AKAP6: variants seen among roughly 807,000 people sequenced by gnomAD.
AKAP6 encodes A-kinase anchoring protein 6, also known as A-kinase anchor protein 6.
Under a neutral mutation model 188.5 loss-of-function variants are expected in AKAP6, and 58 were observed. That is an observed-to-expected ratio of 0.31 (90% CI 0.25 to 0.38). AKAP6 has a LOEUF of 0.38. AKAP6 is among the 10% of genes least tolerant of loss of function. The pLI is 1.00. For missense variants in AKAP6, 2,710 were observed against 2,740.0 expected (o/e 0.99, Z 0.24); for synonymous variants, 989 against 998.6 (o/e 0.99, Z 0.18).
At chr14:32,419,341 A>G (rs1045151759) in intron 1 of AKAP6, among the ~76,000 whole-genome samples, 2 of 152,202 alleles carry the variant, frequency 1.3e-5, no homozygotes, top group Non-Finnish European at 2.9e-5. Flanking sequence ...GGGAGTCTAT[A>G]GTGAGTAGGA....
chr14:32,456,224 A>T (rs1337065510), intron 2 of AKAP6, among the ~76,000 whole-genome samples: 2 of 152,292 alleles, frequency 1.3e-5, no homozygotes, highest in Middle Eastern at 3.4e-3. Flanking sequence ...CTTATATGAA[A>T]AGCAACATTC....
chr14:32,467,496 A>T (rs1230711214), intron 2 of AKAP6, among the ~76,000 whole-genome samples: 1 of 152,216 alleles, frequency 6.6e-6, no homozygotes, highest in Non-Finnish European at 1.5e-5. Flanking sequence ...AAAGATTTTC[A>T]CAAACCTGTA....
At chr14:32,648,539 A>G (rs770244152) in intron 7 of AKAP6, among the ~76,000 whole-genome samples, 35 of 152,250 alleles carry the variant, frequency 2.3e-4, no homozygotes, top group Non-Finnish European at 4.3e-4. Context: ...ATGGTTTCCA[A>G]TTGCCTAGAT....
intron 4 of AKAP6, among the ~76,000 whole-genome samples, chr14:32,575,519 T>C (rs1884675040): frequency 6.6e-6 from 1 of 152,104 alleles, no homozygotes; most frequent in Admixed American, 6.6e-5. Flanking sequence ...TAAACTACCA[T>C]ATAGTTCCCA....
chr14:32,493,964 G>C (rs112611022), intron 2 of AKAP6, among the ~76,000 whole-genome samples: 1 of 151,184 alleles, frequency 6.6e-6, no homozygotes, highest in South Asian at 2.1e-4. Flanking sequence ...GAGTCACGAG[G>C]CTTCTAGAGG....
At chr14:32,548,920 T>G in intron 4 of AKAP6, among the ~76,000 whole-genome samples, 1 of 152,226 alleles carries the variant, frequency 6.6e-6, no homozygotes, top group East Asian at 1.9e-4. Flanking sequence ...TTTTGTTTTT[T>G]TTACATCCAT....
chr14:32,492,132 A>G (rs1397500459), intron 2 of AKAP6, among the ~76,000 whole-genome samples: 1 of 151,586 alleles, frequency 6.6e-6, no homozygotes, highest in African/African-American at 2.4e-5. Flanking sequence ...CTATCCTTCT[A>G]CATCTCATGT....
intron 3 of AKAP6, among the ~76,000 whole-genome samples, chr14:32,536,791 GA>G (rs749978043): frequency 4.6e-5 from 7 of 151,898 alleles, no homozygotes; most frequent in Admixed American, 6.6e-5. Context: ...TATATTTATA[GA>G]AAAAAAAGTG....
intron 1 of AKAP6, chr14:32,433,120 C>T (rs892482657): frequency 4.9e-6 from 1 of 202,386 alleles, no homozygotes; most frequent in African/African-American, 2.3e-5. Context: ...ATGGCCACAC[C>T]TAGCTGCAAG....
rs560248134 is a variant in AKAP6, at chr14:32,813,392, C to CA, written c.3589-8010_3589-8009insA. Among the ~76,000 whole-genome samples, 22 of 111,404 alleles carry CA rather than the reference C, an allele frequency of 2.0e-4. 1 individual carries two copies. In the South Asian group the frequency reaches 7.2e-3, roughly 36 times the overall value. 73.1% of individuals were successfully genotyped at this position (111,404 alleles called of 152,430 possible). A position where few individuals can be genotyped will look rare whatever the true frequency, so the allele number is the denominator to read the frequency against. ...TACAGTTTTCATCTCTAACCCTACC[C>CA]CCCCCCCCAACCCCTTTCCCAGAGG... is the stretch of plus-strand genomic sequence containing the variant. On this transcript the variant is annotated intron_variant, in intron 12 of 13. Transcript: ENST00000280979.
intron 7 of AKAP6, among the ~76,000 whole-genome samples, chr14:32,676,561 A>T (rs1889435373): frequency 6.6e-6 from 1 of 152,174 alleles, no homozygotes; most frequent in African/African-American, 2.4e-5. Context: ...ATATGACATT[A>T]TCCTTTGTTT....
At chr14:32,482,145 T>C (rs1879384293) in intron 2 of AKAP6, among the ~76,000 whole-genome samples, 1 of 152,174 alleles carries the variant, frequency 6.6e-6, no homozygotes, top group African/African-American at 2.4e-5. Flanking sequence ...ATAAACTTCC[T>C]GCACGCTAAT....
At chr14:32,633,192 T>G (rs1274269782) in intron 7 of AKAP6, among the ~76,000 whole-genome samples, 1 of 152,164 alleles carries the variant, frequency 6.6e-6, no homozygotes, top group East Asian at 1.9e-4. Flanking sequence ...GACAGATTTT[T>G]AAGCACAAAA....
intron 2 of AKAP6, among the ~76,000 whole-genome samples, chr14:32,531,304 C>A (rs79909434): frequency 0.01 from 1,556 of 152,204 alleles, 20 homozygotes; most frequent in African/African-American, 0.035. Context: ...CTTCATTTTC[C>A]TTTATACTTG....
intron 12 of AKAP6, among the ~76,000 whole-genome samples, chr14:32,778,695 G>A (rs1440831599): frequency 6.8e-6 from 1 of 146,272 alleles, no homozygotes; most frequent in East Asian, 2.1e-4. Context: ...ACAGGAGCAT[G>A]CCAGCATACC....
At chr14:32,744,516 CTG>C (rs1472980479) in intron 11 of AKAP6, among the ~76,000 whole-genome samples, 3 of 152,084 alleles carry the variant, frequency 2.0e-5, no homozygotes, top group East Asian at 3.9e-4. Flanking sequence ...CAGGGTTTCA[CTG>C]CACTAGCCAG....
At chr14:32,576,704 A>T (rs1190888562) in intron 4 of AKAP6, among the ~76,000 whole-genome samples, 1 of 152,128 alleles carries the variant, frequency 6.6e-6, no homozygotes, top group East Asian at 1.9e-4. Flanking sequence ...CAACATCTTT[A>T]CAGGAATGCC....
chr14:32,587,981 C>G (rs1290575543), intron 5 of AKAP6, among the ~76,000 whole-genome samples: 2 of 152,114 alleles, frequency 1.3e-5, no homozygotes, highest in Non-Finnish European at 2.9e-5. Flanking sequence ...AGCAAGCTGT[C>G]TTTTATACAA....
chr14:32,390,513 T>C (rs1031041073), intron 1 of AKAP6, among the ~76,000 whole-genome samples: 1 of 152,168 alleles, frequency 6.6e-6, no homozygotes. Context: ...TGAAGGCTGT[T>C]GTTTAGATTC....
Sources: gnomAD v4.1 joint callset for allele counts (sites outside exome capture counted in the v4.1 genomes callset) on GRCh38, gnomAD v4.1.1 for gene constraint, MANE v1.5 for transcripts, NCBI Gene and HGNC (gene_info 2026-07-23, HGNC 2026-07-21) for gene names.